Variants in CDKL5 observed in about 807,000 individuals in gnomAD.
CDKL5 encodes the protein cyclin-dependent kinase-like 5.
A neutral mutation model predicts 61.7 loss-of-function variants in CDKL5; 8 were observed. The ratio of observed to expected loss-of-function variants is 0.13; its 90% CI spans 0.08 to 0.23. CDKL5 has a LOEUF of 0.23. Among genes scored for constraint, CDKL5 ranks in the 10% least tolerant of loss-of-function variants. CDKL5 has a pLI of 1.00. For missense variants in CDKL5, 440 were observed against 734.5 expected (o/e 0.60, Z 4.63); for synonymous variants, 275 against 272.3 (o/e 1.01, Z -0.10).
chrX:18,584,900 C>T (rs1161046874), intron 8 of CDKL5, among the ~76,000 whole-genome samples: 3 of 111,856 alleles, frequency 2.7e-5, no homozygotes, highest in African/African-American at 9.8e-5. Flanking sequence ...GGGCAAGTGG[C>T]AGAGCCATAT....
exon 21 of CDKL5, chrX:18,650,453 G>T: frequency 8.3e-7 from 1 of 1,211,717 alleles, no homozygotes; most frequent in Non-Finnish European, 1.1e-6. Context: ...CTCACACTCC[G>T]TGCGTCCCAA....
At chrX:18,640,420 G>A (rs1317650952), downstream of CDKL5, 3 of 96,031 alleles carry the variant, frequency 3.1e-5, no homozygotes, top group East Asian at 1.1e-3. Context: ...CTAAGGCCAG[G>A]GATAAGTCCC....
intron 21 of CDKL5, among the ~76,000 whole-genome samples, chrX:18,651,150 C>A (rs1267647315): frequency 2.9e-5 from 3 of 103,783 alleles, no homozygotes; most frequent in Admixed American, 2.1e-4. Context: ...CCGCCACACC[C>A]TCCAGAGAAT....
intron 1 of CDKL5, among the ~76,000 whole-genome samples, chrX:18,458,395 G>A (rs1443850104): frequency 8.9e-6 from 1 of 111,783 alleles, no homozygotes; most frequent in Non-Finnish European, 1.9e-5. Context: ...GTCAAATGTG[G>A]TAGCTTCTAG....
intron 10 of CDKL5, among the ~76,000 whole-genome samples, 186 bp downstream of exon 10, chrX:18,595,614 T>G (rs1925966530): frequency 8.9e-6 from 1 of 112,017 alleles, no homozygotes; most frequent in South Asian, 3.7e-4. Flanking sequence ...TCTGGTATTG[T>G]CACAGTCCAT....
chrX:18,649,996 T>C, intron 20 of CDKL5: 1 of 219,608 alleles, frequency 4.6e-6, no homozygotes, highest in African/African-American at 2.9e-5. Flanking sequence ...GCCGCCCCGC[T>C]CAGGGCTACT....
At position 18,629,744 on chromosome X, in the gene CDKL5, C is replaced by G. The variant is rs1927181243; in HGVS notation, c.*987C>G. Reference sequence around the variant, plus strand: ...TCAGATAGGCCAGTGAGAATTCCAGCAGGCCTGGTTTCCGTCCTCACACAC... The same window carrying G: ...TCAGATAGGCCAGTGAGAATTCCAGGAGGCCTGGTTTCCGTCCTCACACAC... On this transcript the variant is annotated 3_prime_UTR_variant, in exon 18 of 18. Transcript: ENST00000623535. The G allele has an allele frequency of 1.3e-6, 1 of 752,552 alleles. No homozygotes were observed. The highest frequency in any genetic ancestry group is 2.3e-5 in the African/African-American group (1 of 43,175). 62.0% of individuals were successfully genotyped at this position (752,552 alleles called of 1,213,427 possible).
In CDKL5 at chrX:18,506,952, C is replaced by T; in HGVS notation, c.-145C>T. The stretch of plus-strand genomic sequence containing the variant: ...TTTTTCAGGGAGTCATTTAATACTT[C>T]ATGATTAGAACAAATATGTGAAAGT... On this transcript the variant is annotated 5_prime_UTR_variant, in exon 2 of 18. Transcript: ENST00000623535. 1 of 488,576 alleles carries T rather than the reference C, an allele frequency of 2.0e-6. No individual in the cohort carries two copies. Among genetic ancestry groups the T allele is most frequent in the East Asian group, 3.6e-5 (1 of 27,748 alleles). The allele number at this position is 488,576 out of a possible 1,213,427, so 40.3% of individuals were successfully genotyped here. A position where few individuals can be genotyped will look rare whatever the true frequency, so the allele number is the denominator to read the frequency against.
rs775598372 is a variant in CDKL5 at position 18,489,377 on chromosome X, T to TC, written c.-162-17557dup. 4.5e-5 allele frequency among the ~76,000 whole-genome samples: 5 copies of TC among 110,452 alleles called. No homozygotes were observed. The South Asian group carries it at 2.0e-3, about 43-fold the overall frequency. On this transcript the variant is annotated intron_variant, in intron 1 of 17. Transcript: ENST00000623535. ...GGTTTCTCCATGTTGGCCACGCTGGTCTTGTACTCCTGACCTCAAGTGATC... is the reference window on the plus strand; with the variant it reads ...GGTTTCTCCATGTTGGCCACGCTGGTCCTTGTACTCCTGACCTCAAGTGATC...
chrX:18,429,298 A>C (rs1438292687), intron 1 of CDKL5, among the ~76,000 whole-genome samples: 2 of 111,952 alleles, frequency 1.8e-5, no homozygotes, highest in African/African-American at 6.5e-5. Flanking sequence ...TTGGGGTTTG[A>C]GACAATCCTA....
chrX:18,537,215 T>C (rs932854731), intron 3 of CDKL5, among the ~76,000 whole-genome samples: 3 of 111,809 alleles, frequency 2.7e-5, no homozygotes, highest in African/African-American at 9.7e-5. Flanking sequence ...AGTTATTTAC[T>C]AATGAAATGT....
At chrX:18,432,320 A>C (rs1323665184) in intron 1 of CDKL5, among the ~76,000 whole-genome samples, 1 of 106,853 alleles carries the variant, frequency 9.4e-6, no homozygotes, top group African/African-American at 3.4e-5. Context: ...CTGGTCTTGA[A>C]CCCCTGACAT....
At chrX:18,443,000 C>T (rs1353749903) in intron 1 of CDKL5, among the ~76,000 whole-genome samples, 1 of 111,543 alleles carries the variant, frequency 9.0e-6, no homozygotes, top group African/African-American at 3.3e-5. Context: ...ACCGTCAGCC[C>T]CTCTTCCATG....
rs1195931109 is a variant in CDKL5 at position 18,518,385 on chromosome X, C to CT, written c.99+7533dup. Reference sequence around the variant, plus strand: ...ATAAAGTCATGTTTTCTTTTCTTTTCTTATTTTTTTTTTTTTTTTTTTTTT... The same window carrying CT: ...ATAAAGTCATGTTTTCTTTTCTTTTCTTTATTTTTTTTTTTTTTTTTTTTTT... On this transcript the variant is annotated intron_variant, in intron 3 of 17. Transcript: ENST00000623535. 1.6e-3 allele frequency among the ~76,000 whole-genome samples: 36 copies of CT among 22,767 alleles called. 2 individuals are homozygous for CT. Among genetic ancestry groups the CT allele is most frequent in the African/African-American group, 4.1e-3 (27 of 6,584 alleles). The allele number at this position is 22,767 out of a possible 115,157, so 19.8% of individuals were successfully genotyped here.
rs771528204 is a variant in CDKL5 at position 18,584,157 on chromosome X, C to T, written c.464-106C>T. The T allele has an allele frequency of 5.3e-6, 3 of 568,047 alleles. No individual in the cohort carries two copies. In the East Asian group the frequency reaches 9.9e-5, roughly 19 times the overall value. The allele number at this position is 568,047 out of a possible 1,213,427, so 46.8% of individuals were successfully genotyped here. On this transcript the variant is annotated intron_variant, in intron 7 of 17. Coordinates refer to ENST00000623535, the MANE Select transcript of CDKL5 (RefSeq NM_001323289.2). The stretch of plus-strand genomic sequence containing the variant: ...ATAGCCCATGCGAGAACAGTCATTA[C>T]ATTCTTTTGATGTTGTTTAAAGTAT...
At chrX:18,515,542 A>G (rs1358433127) in intron 3 of CDKL5, among the ~76,000 whole-genome samples, 1 of 111,379 alleles carries the variant, frequency 9.0e-6, no homozygotes, top group East Asian at 2.8e-4. Flanking sequence ...GGGACCTGGT[A>G]TGTGTGGAGG....
intron 1 of CDKL5, among the ~76,000 whole-genome samples, chrX:18,461,765 G>A (rs1221042276): frequency 4.5e-5 from 5 of 112,280 alleles, no homozygotes; most frequent in Non-Finnish European, 3.8e-5. Flanking sequence ...GCAAGGTTCT[G>A]TGCTAGGCAT....
At chrX:18,572,745 G>A (rs1341072336) in intron 4 of CDKL5, among the ~76,000 whole-genome samples, 1 of 112,055 alleles carries the variant, frequency 8.9e-6, no homozygotes, top group East Asian at 2.8e-4. Context: ...GGCCACAGGT[G>A]AAGCATTCAT....
At chrX:18,465,192 A>C (rs911303459) in intron 1 of CDKL5, among the ~76,000 whole-genome samples, 10 of 111,346 alleles carry the variant, frequency 9.0e-5, no homozygotes, top group African/African-American at 3.3e-4. Context: ...TGCAGTGCCA[A>C]CTGTCTTGTA....
Sources: gnomAD v4.1 joint callset for allele counts (sites outside exome capture counted in the v4.1 genomes callset) on GRCh38, gnomAD v4.1.1 for gene constraint, MANE v1.5 for transcripts, NCBI Gene and HGNC (gene_info 2026-07-23, HGNC 2026-07-21) for gene names.